ATP8B4: variants seen among roughly 807,000 people sequenced by gnomAD.
ATP8B4 encodes the protein ATPase phospholipid transporting 8B4 (putative), also known as probable phospholipid-transporting ATPase IM.
Under a neutral mutation model 145.6 loss-of-function variants are expected in ATP8B4, and 133 were observed. The observed-to-expected ratio is 0.91, with a 90% CI of 0.79 to 1.05. ATP8B4 has a LOEUF of 1.05. ATP8B4 is among the 50% of genes least tolerant of loss of function. The pLI is 0.00. For synonymous variants in ATP8B4, 507 were observed against 492.9 expected (o/e 1.03, Z -0.38); for missense variants, 1,458 against 1,425.2 (o/e 1.02, Z -0.37).
chr15:49,998,807 C>T (rs1242612582), intron 8 of ATP8B4, among the ~76,000 whole-genome samples: 3 of 152,272 alleles, frequency 2.0e-5, no homozygotes, highest in Admixed American at 6.5e-5. Flanking sequence ...GACATGAAGT[C>T]CTTGCCCATG....
At chr15:49,951,540 A>G (rs1415024707) in intron 14 of ATP8B4, among the ~76,000 whole-genome samples, 1 of 150,728 alleles carries the variant, frequency 6.6e-6, no homozygotes, top group Non-Finnish European at 1.5e-5. Context: ...TTTGCTTTCC[A>G]TTTTCTTGAT....
chr15:49,921,181 T>C (rs1166904316), intron 17 of ATP8B4, among the ~76,000 whole-genome samples: 1 of 152,190 alleles, frequency 6.6e-6, no homozygotes, highest in African/African-American at 2.4e-5. Flanking sequence ...CTTTTCATTA[T>C]AGACTCCTCC....
At chr15:50,115,625 T>C (rs1372570414) in intron 1 of ATP8B4, among the ~76,000 whole-genome samples, 1 of 151,850 alleles carries the variant, frequency 6.6e-6, no homozygotes, top group Non-Finnish European at 1.5e-5. Context: ...GGCAAGCAGA[T>C]CATACAGGCA....
At chr15:50,064,584 G>T (rs1221422517) in intron 3 of ATP8B4, among the ~76,000 whole-genome samples, 1 of 152,110 alleles carries the variant, frequency 6.6e-6, no homozygotes, top group Non-Finnish European at 1.5e-5. Context: ...CATTTTTAAA[G>T]AATTTTCAAG....
intron 6 of ATP8B4, among the ~76,000 whole-genome samples, chr15:50,012,719 A>G (rs183445941): frequency 5.3e-4 from 80 of 152,320 alleles, no homozygotes; most frequent in African/African-American, 1.8e-3. Flanking sequence ...AGAGGAGAAA[A>G]TAACACTCTA....
At chr15:50,141,373 G>A (rs949249619) in intron 1 of ATP8B4, among the ~76,000 whole-genome samples, 7 of 152,084 alleles carry the variant, frequency 4.6e-5, no homozygotes, top group African/African-American at 1.7e-4. Flanking sequence ...CATGGTTTTT[G>A]ATTCCTATTG....
At chr15:50,025,075 G>A (rs1176690433) in intron 6 of ATP8B4, among the ~76,000 whole-genome samples, 1 of 152,190 alleles carries the variant, frequency 6.6e-6, no homozygotes, top group Non-Finnish European at 1.5e-5. Context: ...ATTCACTTTA[G>A]TGCATTTTGC....
At chr15:49,962,317 G>C (rs972840478) in intron 13 of ATP8B4, among the ~76,000 whole-genome samples, 1 of 152,174 alleles carries the variant, frequency 6.6e-6, no homozygotes, top group African/African-American at 2.4e-5. Context: ...CATTATCTAT[G>C]ATATTTGCAA....
chr15:49,916,739 T>C (rs567179366), intron 20 of ATP8B4, among the ~76,000 whole-genome samples, 195 bp downstream of exon 20: 15 of 152,300 alleles, frequency 9.8e-5, no homozygotes, highest in African/African-American at 3.6e-4. Flanking sequence ...AAGACAATAA[T>C]TCATTACTGA....
At chr15:49,862,177 G>C (rs2031945021) in intron 27 of ATP8B4, 68 bp downstream of exon 27, 7 of 1,544,074 alleles carry the variant, frequency 4.5e-6, no homozygotes, top group African/African-American at 1.4e-5. Flanking sequence ...CTTCCAATAA[G>C]GCAGAAAAGG....
At chr15:50,131,251 A>C (rs940913888) in intron 1 of ATP8B4, among the ~76,000 whole-genome samples, 9 of 152,228 alleles carry the variant, frequency 5.9e-5, no homozygotes, top group African/African-American at 2.2e-4. Flanking sequence ...TAACCACATC[A>C]ATAATGATAG....
chr15:50,170,414 A>G (rs1160564700), intron 1 of ATP8B4, among the ~76,000 whole-genome samples: 1 of 152,220 alleles, frequency 6.6e-6, no homozygotes, highest in East Asian at 1.9e-4. Context: ...TTTTGTGTCC[A>G]GCAAAACTAG....
chr15:50,070,246 A>C (rs983270198), intron 3 of ATP8B4, among the ~76,000 whole-genome samples: 1 of 152,106 alleles, frequency 6.6e-6, no homozygotes, highest in Non-Finnish European at 1.5e-5. Flanking sequence ...AAGCTGGGCA[A>C]GACTGAGCAA....
At chr15:49,912,442 C>T (rs912637221) in intron 20 of ATP8B4, among the ~76,000 whole-genome samples, 2 of 152,094 alleles carry the variant, frequency 1.3e-5, no homozygotes, top group Admixed American at 6.5e-5. Context: ...AATTTCTGGA[C>T]ACATGCAAAC....
At chr15:50,172,411 C>T (rs146583832) in intron 1 of ATP8B4, among the ~76,000 whole-genome samples, 7,394 of 152,350 alleles carry the variant, frequency 0.049, 253 homozygotes, top group South Asian at 0.078. Context: ...CCGGAGGTGC[C>T]GGGATTGCAG....
intron 1 of ATP8B4, among the ~76,000 whole-genome samples, chr15:50,150,499 T>C (rs575761918): frequency 6.6e-6 from 1 of 151,990 alleles, no homozygotes; most frequent in African/African-American, 2.4e-5. Flanking sequence ...AGTACCAGGA[T>C]GGATTTGTCC....
At chr15:49,918,699 C>A (rs1302171459) in intron 19 of ATP8B4, 140 bp downstream of exon 19, 5 of 625,302 alleles carry the variant, frequency 8.0e-6, no homozygotes, top group Non-Finnish European at 1.4e-5. Flanking sequence ...ACATTAACTT[C>A]CTCTTCTCTA....
At chr15:49,885,078 A>G (rs1039215656) in intron 23 of ATP8B4, among the ~76,000 whole-genome samples, 3 of 151,990 alleles carry the variant, frequency 2.0e-5, no homozygotes, top group Non-Finnish European at 4.4e-5. Context: ...ATGAATCCAG[A>G]CTCCCTATTC....
At chr15:50,011,102 A>G (rs1432619725) in intron 6 of ATP8B4, among the ~76,000 whole-genome samples, 185 bp from the exon 7 acceptor site, 1 of 152,166 alleles carries the variant, frequency 6.6e-6, no homozygotes, top group Non-Finnish European at 1.5e-5. Flanking sequence ...TGATTGGTCA[A>G]AGATACCCAG....
Sources: gnomAD v4.1 joint callset for allele counts (sites outside exome capture counted in the v4.1 genomes callset) on GRCh38, gnomAD v4.1.1 for gene constraint, MANE v1.5 for transcripts, NCBI Gene and HGNC (gene_info 2026-07-23, HGNC 2026-07-21) for gene names.